Variants in ANO6 observed in about 807,000 individuals in gnomAD.
The protein encoded by ANO6 is anoctamin-6.
ANO6 carries 106 observed loss-of-function variants against 117.5 expected under a neutral mutation model. The ratio of observed to expected loss-of-function variants is 0.90; its 90% CI spans 0.77 to 1.06. The LOEUF (loss-of-function observed/expected upper bound fraction) is 1.06, where lower values mean the gene tolerates loss of function less well. Among genes scored for constraint, ANO6 ranks in the 50% least tolerant of loss-of-function variants. ANO6 has a pLI of 0.00. For synonymous variants in ANO6, 367 were observed against 385.1 expected, an observed-to-expected ratio of 0.95 and a Z score of 0.55; for missense variants, 955 against 1,121.1, an observed-to-expected ratio of 0.85 and a Z score of 2.12.
intron 12 of ANO6, among the ~76,000 whole-genome samples, chr12:45,393,374 G>A (rs891780593): frequency 1.1e-4 from 17 of 152,188 alleles, no homozygotes; most frequent in Non-Finnish European, 1.8e-4. Context: ...TTTGATTGGC[G>A]TATCTGAAAG....
intron 8 of ANO6, among the ~76,000 whole-genome samples, chr12:45,364,750 A>C (rs534949702): frequency 1.2e-4 from 19 of 152,374 alleles, no homozygotes; most frequent in Admixed American, 9.8e-4. Flanking sequence ...AAAAGACTTC[A>C]TCTAATAAAT....
At chr12:45,372,660 C>G (rs1193787491) in intron 9 of ANO6, among the ~76,000 whole-genome samples, 50 of 151,700 alleles carry the variant, frequency 3.3e-4, no homozygotes, top group African/African-American at 9.4e-4. Flanking sequence ...CAAGCAAATG[C>G]TGAGAGATTT....
intron 19 of ANO6, among the ~76,000 whole-genome samples, chr12:45,425,114 TATA>T (rs1341244042): frequency 6.6e-6 from 1 of 151,996 alleles, no homozygotes; most frequent in African/African-American, 2.4e-5. Flanking sequence ...AACTAAAAAT[TATA>T]AGGCAATTTT....
intron 1 of ANO6, among the ~76,000 whole-genome samples, chr12:45,281,786 G>A (rs1363532920): frequency 1.3e-5 from 2 of 152,218 alleles, no homozygotes; most frequent in Non-Finnish European, 2.9e-5. Flanking sequence ...AAATTTGAAA[G>A]TGGTTTCCTA....
chr12:45,419,757 C>T (rs887172416), intron 17 of ANO6, among the ~76,000 whole-genome samples: 3 of 152,034 alleles, frequency 2.0e-5, no homozygotes, highest in African/African-American at 7.3e-5. Context: ...TCCTTCCTTC[C>T]AACCAGTTTT....
intron 17 of ANO6, among the ~76,000 whole-genome samples, chr12:45,420,313 CT>C (rs1943325377): frequency 6.6e-6 from 1 of 152,026 alleles, no homozygotes; most frequent in Non-Finnish European, 1.5e-5. Flanking sequence ...ATAATGTTGA[CT>C]CTGATTACAT....
chr12:45,253,255 G>T (rs1937690243), intron 1 of ANO6, among the ~76,000 whole-genome samples: 1 of 152,182 alleles, frequency 6.6e-6, no homozygotes, highest in Middle Eastern at 3.2e-3. Flanking sequence ...CAGAGAAAAT[G>T]ACAGCACCTA....
intron 7 of ANO6, among the ~76,000 whole-genome samples, chr12:45,352,727 C>CAAAAAAA (rs34198115): frequency 0.029 from 3,391 of 117,996 alleles, 135 homozygotes; most frequent in African/African-American, 0.099. Context: ...ACCCTGTCTC[C>CAAAAAAA]AAAAAAAAAA....
At chr12:45,249,786 G>A (rs1947875528) in intron 1 of ANO6, among the ~76,000 whole-genome samples, 1 of 152,224 alleles carries the variant, frequency 6.6e-6, no homozygotes, top group Admixed American at 6.5e-5. Flanking sequence ...GTTACTTACA[G>A]TGCGCTAGCC....
intron 19 of ANO6, among the ~76,000 whole-genome samples, chr12:45,438,312 A>G (rs1373497151): frequency 6.6e-6 from 1 of 152,106 alleles, no homozygotes; most frequent in Non-Finnish European, 1.5e-5. Flanking sequence ...ACACACATAT[A>G]TATTTCATTC....
At chr12:45,302,277 T>TGTAA (rs1288989256) in intron 2 of ANO6, among the ~76,000 whole-genome samples, 184 bp downstream of exon 2, 1 of 152,206 alleles carries the variant, frequency 6.6e-6, no homozygotes, top group Non-Finnish European at 1.5e-5. Flanking sequence ...AACTTGATTG[T>TGTAA]GTAAGCATCA....
chr12:45,216,476 C>T lies in ANO6; in HGVS notation c.70+85C>T, dbSNP rs917411300. ...GGGGACTGCGCGGGGGCGCTGTGCT[C>T]TCCGCGGGGGAGGTTGGCCGAGACG... On this transcript the variant is annotated intron_variant, in intron 1 of 19. Transcript: ENST00000320560. 15 of 1,481,712 alleles carry T rather than the reference C, an allele frequency of 1.0e-5. No homozygotes were observed. The African/African-American group carries it at 1.5e-4, about 15-fold the overall frequency. The allele number at this position is 1,481,712 out of a possible 1,614,324, so 91.8% of individuals were successfully genotyped here.
chr12:45,354,064 A>T (rs1334647286), intron 7 of ANO6, among the ~76,000 whole-genome samples: 1 of 152,146 alleles, frequency 6.6e-6, no homozygotes, highest in Non-Finnish European at 1.5e-5. Context: ...GTAGGGAAGA[A>T]ATCTGAGAAG....
intron 3 of ANO6, among the ~76,000 whole-genome samples, chr12:45,338,761 G>A (rs1007774137): frequency 6.6e-6 from 1 of 152,020 alleles, no homozygotes; most frequent in African/African-American, 2.4e-5. Flanking sequence ...TTACCACCAA[G>A]AGCAATGAAT....
rs1940491182 is a variant in ANO6 at position 45,327,034 on chromosome 12, GC to G, written c.151-4258del. Reference sequence around the variant, plus strand: ...GAATCATATAGGCCTAGTCTGTATTGCCCTTTACCCCACTTACTCAGTTACC... The same window carrying G: ...GAATCATATAGGCCTAGTCTGTATTGCCTTTACCCCACTTACTCAGTTACC... On this transcript the variant is annotated intron_variant, in intron 2 of 19. Coordinates refer to ENST00000320560, the MANE Select transcript of ANO6 (RefSeq NM_001025356.3). Among the ~76,000 whole-genome samples, 4 of 152,240 alleles carry G rather than the reference GC, an allele frequency of 2.6e-5. No homozygotes were observed. In the South Asian group the frequency reaches 8.3e-4, roughly 32 times the overall value.
At chr12:45,249,612 G>A (rs981271432) in intron 1 of ANO6, among the ~76,000 whole-genome samples, 4 of 152,158 alleles carry the variant, frequency 2.6e-5, no homozygotes, top group African/African-American at 7.2e-5. Context: ...AGGAGATGGA[G>A]GATACAGGTT....
chr12:45,410,982 A>C (rs1315310885), intron 16 of ANO6, among the ~76,000 whole-genome samples: 1 of 152,190 alleles, frequency 6.6e-6, no homozygotes, highest in Non-Finnish European at 1.5e-5. Context: ...TAGCTGCAGT[A>C]CATATGTAGA....
intron 17 of ANO6, among the ~76,000 whole-genome samples, chr12:45,418,365 G>T (rs1467063668): frequency 2.6e-5 from 4 of 152,030 alleles, no homozygotes; most frequent in Admixed American, 2.6e-4. Context: ...TTTCACCCAG[G>T]TACCCCACAC....
At chr12:45,437,759 G>A (rs35168706) in intron 19 of ANO6, among the ~76,000 whole-genome samples, 3 of 151,794 alleles carry the variant, frequency 2.0e-5, no homozygotes, top group Non-Finnish European at 4.4e-5. Context: ...TAGTAGAGAC[G>A]GGGTTTTACC....
Sources: gnomAD v4.1 joint callset for allele counts (sites outside exome capture counted in the v4.1 genomes callset) on GRCh38, gnomAD v4.1.1 for gene constraint, MANE v1.5 for transcripts, NCBI Gene and HGNC (gene_info 2026-07-23, HGNC 2026-07-21) for gene names.